DOCK3: variants seen among roughly 807,000 people sequenced by gnomAD.
DOCK3 encodes the protein dedicator of cytokinesis protein 3.
Under a neutral mutation model 265.6 loss-of-function variants are expected in DOCK3, and 60 were observed. The observed-to-expected ratio is 0.23, with a 90% confidence interval of 0.18 to 0.28. The LOEUF (loss-of-function observed/expected upper bound fraction) is 0.28, where lower values mean the gene tolerates loss of function less well. Ranked by LOEUF, DOCK3 falls within the 10% of genes least tolerant of loss-of-function variation. The probability of loss-of-function intolerance (pLI) is 1.00; values close to 1 mark genes in which losing one functional copy is unlikely to be tolerated. For missense variants in DOCK3, 1,981 were observed against 2,594.3 expected (o/e 0.76, Z 5.14); for synonymous variants, 881 against 938.0 (o/e 0.94, Z 1.11).
At chr3:51,351,781 C>T (rs918841391) in intron 40 of DOCK3, among the ~76,000 whole-genome samples, 2 of 151,898 alleles carry the variant, frequency 1.3e-5, no homozygotes, top group African/African-American at 4.8e-5. Flanking sequence ...CTCAGCCTCC[C>T]GAGTGGCTGG....
intron 3 of DOCK3, among the ~76,000 whole-genome samples, chr3:50,868,285 G>T (rs2047241148): frequency 6.6e-6 from 1 of 152,098 alleles, no homozygotes; most frequent in Admixed American, 6.5e-5. Flanking sequence ...TGTTGGCCAG[G>T]ATGGTCTCAA....
chr3:50,971,765 G>T (rs2077242970), intron 5 of DOCK3, among the ~76,000 whole-genome samples: 1 of 152,186 alleles, frequency 6.6e-6, no homozygotes, highest in South Asian at 2.1e-4. Flanking sequence ...ATACACAGTG[G>T]CCTTAGATCC....
chr3:51,112,239 G>T (rs138457086), intron 9 of DOCK3, among the ~76,000 whole-genome samples: 1,648 of 152,068 alleles, frequency 0.011, 26 homozygotes, highest in African/African-American at 0.024. Flanking sequence ...AAATCATTCT[G>T]TTATAAAGAC....
intron 5 of DOCK3, among the ~76,000 whole-genome samples, chr3:50,997,061 T>G (rs2078312009): frequency 6.6e-6 from 1 of 152,240 alleles, no homozygotes; most frequent in Non-Finnish European, 1.5e-5. Context: ...TAGCTTACCT[T>G]CAGTGACCTT....
Position 51,374,700 on chromosome 3 carries a change from G to C in DOCK3, c.5412+113G>C, listed in dbSNP as rs1363905737. On this transcript the variant is annotated intron_variant, in intron 50 of 52. Transcript: ENST00000266037. This position sits in a 1 kb window ranked among gnomAD's most constrained non-coding sequence, Gnocchi z 4.8. ...TCCTACATGGCTCTCTCATTCCGCT[G>C]TAAGATCCCGCAAAAGGCCGCTGGG... is the stretch of plus-strand genomic sequence containing the variant. 2 of 1,063,986 alleles carry C rather than the reference G, an allele frequency of 1.9e-6. No individual in the cohort carries two copies. The allele number at this position is 1,063,986 out of a possible 1,614,324, so 65.9% of individuals were successfully genotyped here.
At chr3:50,757,424 G>C (rs2040232505) in intron 1 of DOCK3, among the ~76,000 whole-genome samples, 1 of 151,766 alleles carries the variant, frequency 6.6e-6, no homozygotes. Context: ...CACCTGCCTG[G>C]GCCTCCCAAA....
At chr3:50,737,970 G>A (rs1174777750) in intron 1 of DOCK3, among the ~76,000 whole-genome samples, 2 of 152,084 alleles carry the variant, frequency 1.3e-5, no homozygotes. Context: ...TGATCCTCTT[G>A]GCCTTGGGTT....
At chr3:51,116,093 G>A (rs2083724186) in intron 9 of DOCK3, among the ~76,000 whole-genome samples, 1 of 151,998 alleles carries the variant, frequency 6.6e-6, no homozygotes, top group Non-Finnish European at 1.5e-5. Context: ...CTCCATCTTT[G>A]TTCTTTTTGC....
chr3:51,103,547 G>A (rs1195121609), intron 9 of DOCK3, among the ~76,000 whole-genome samples: 2 of 152,086 alleles, frequency 1.3e-5, no homozygotes, highest in Non-Finnish European at 2.9e-5. Context: ...CTACTCCCAA[G>A]ATACTTAAGC....
At position 50,706,385 on chromosome 3, in the gene DOCK3, GT is replaced by G. The variant is rs199766007; in HGVS notation, c.37+31091del. Among the ~76,000 whole-genome samples, 95 of 152,208 alleles carry G rather than the reference GT, an allele frequency of 6.2e-4. No homozygotes were observed. In the East Asian group the frequency reaches 0.016, roughly 25 times the overall value. ...TGAATATAGTATTGTTGCCTAGCAG[GT>G]TTTTTCTTTCAGTACTTTGAATATA... On this transcript the variant is annotated intron_variant, in intron 1 of 52. Transcript: ENST00000266037.
chr3:51,090,512 G>C, intron 9 of DOCK3, 128 bp downstream of exon 9: 1 of 1,028,528 alleles, frequency 9.7e-7, no homozygotes, highest in Non-Finnish European at 1.3e-6. Flanking sequence ...CATCTCATTA[G>C]CTAGGAGTTT....
At chr3:50,984,628 T>G (rs2108576997) in intron 5 of DOCK3, among the ~76,000 whole-genome samples, 1 of 152,310 alleles carries the variant, frequency 6.6e-6, no homozygotes, top group South Asian at 2.1e-4. Context: ...TATATGTTAC[T>G]TTATTCATTT....
At chr3:51,170,751 T>C (rs1015004931) in intron 12 of DOCK3, among the ~76,000 whole-genome samples, 1 of 152,104 alleles carries the variant, frequency 6.6e-6, no homozygotes, top group Non-Finnish European at 1.5e-5. Flanking sequence ...AGGACCATCC[T>C]GGCCAACATG....
Position 51,381,402 on chromosome 3 carries a change from AC to A in DOCK3, c.5941del (p.Arg1981AlafsTer180), listed in dbSNP as rs1165491876. The A allele has an allele frequency of 6.3e-7, 1 of 1,596,672 alleles. No individual in the cohort carries two copies. Among genetic ancestry groups the A allele is most frequent in the Non-Finnish European group, 8.5e-7 (1 of 1,172,408 alleles). On this transcript the variant is annotated frameshift_variant, in exon 53 of 53. Coordinates refer to ENST00000266037, the MANE Select transcript of DOCK3 (RefSeq NM_004947.5). LOFTEE classifies it high-confidence loss of function. This position sits in a 1 kb window ranked among gnomAD's most constrained non-coding sequence, Gnocchi z 5.6. ...CCTGCGCTGCCGCCCAAGCCCTACC[AC>A]CCCCGCCTGCCGGCCCTGGAGCACG... is the stretch of plus-strand genomic sequence containing the variant. ...DPPALPPKPY[H>X]PRLPALEHDE...
chr3:51,129,747 G>A (rs1292924629), intron 9 of DOCK3, among the ~76,000 whole-genome samples: 1 of 152,176 alleles, frequency 6.6e-6, no homozygotes, highest in African/African-American at 2.4e-5. Flanking sequence ...CCTCCGCTAC[G>A]ATTCACCTAA....
intron 2 of DOCK3, among the ~76,000 whole-genome samples, chr3:50,800,264 G>A (rs540481775): frequency 6.6e-6 from 1 of 152,164 alleles, no homozygotes; most frequent in East Asian, 1.9e-4. Context: ...GAGAAGACTT[G>A]GTATTAATTC....
intron 27 of DOCK3, among the ~76,000 whole-genome samples, chr3:51,280,596 A>G (rs965957223): frequency 3.9e-5 from 6 of 152,050 alleles, no homozygotes; most frequent in Non-Finnish European, 8.8e-5. Flanking sequence ...AATGGTGTCA[A>G]TTTTTTTCAT....
At chr3:51,016,885 A>G (rs1343792539) in intron 5 of DOCK3, among the ~76,000 whole-genome samples, 1 of 118,782 alleles carries the variant, frequency 8.4e-6, no homozygotes, top group Non-Finnish European at 1.6e-5. Context: ...ATGTTTATAT[A>G]TATAAATATA....
At chr3:50,992,872 A>C (rs975661254) in intron 5 of DOCK3, among the ~76,000 whole-genome samples, 1 of 152,212 alleles carries the variant, frequency 6.6e-6, no homozygotes, top group Non-Finnish European at 1.5e-5. Context: ...CAAGCTCCAA[A>C]ATTGAATCAG....
Sources: gnomAD v4.1 joint callset for allele counts (sites outside exome capture counted in the v4.1 genomes callset) on GRCh38, gnomAD v4.1.1 for gene constraint, Gnocchi (gnomAD v3.1) non-coding constraint, MANE v1.5 for transcripts, NCBI Gene and HGNC (gene_info 2026-07-23, HGNC 2026-07-21) for gene names.